The following SAMMSON variants were observed in gnomAD, a reference collection of about 807,000 sequenced individuals.
SAMMSON encodes survival associated mitochondrial melanoma specific oncogenic non-coding RNA, also known as long intergenic non-protein coding RNA 1212.
At chr3:70,099,691 C>A (rs1299404854) in intron 4 of SAMMSON, among the ~76,000 whole-genome samples, 2 of 152,186 alleles carry the variant, frequency 1.3e-5, no homozygotes, top group African/African-American at 4.8e-5. Flanking sequence ...CTCCTGCAGT[C>A]TTGTTTCTAA....
intron 1 of SAMMSON, among the ~76,000 whole-genome samples, chr3:70,007,861 A>G (rs1389453348): frequency 6.6e-6 from 1 of 152,186 alleles, no homozygotes; most frequent in Non-Finnish European, 1.5e-5. Flanking sequence ...AGCTTTCTAC[A>G]TATGGCTAGC....
chr3:70,036,704 T>C (rs879846569), intron 3 of SAMMSON, among the ~76,000 whole-genome samples: 8 of 152,040 alleles, frequency 5.3e-5, no homozygotes, highest in Non-Finnish European at 1.2e-4. Flanking sequence ...ATGAGTCAAA[T>C]CAAGAGCAAA....
At chr3:70,157,586 A>C (rs561286138) in intron 4 of SAMMSON, among the ~76,000 whole-genome samples, 1 of 152,198 alleles carries the variant, frequency 6.6e-6, no homozygotes, top group East Asian at 1.9e-4. Flanking sequence ...GAAGAGAGTG[A>C]CAATACAATT....
At chr3:70,282,791 C>T (rs1013458851) in intron 6 of SAMMSON, among the ~76,000 whole-genome samples, 6 of 152,116 alleles carry the variant, frequency 3.9e-5, no homozygotes, top group Admixed American at 1.3e-4. Context: ...GACTAAAATA[C>T]AAATATCTAT....
intron 4 of SAMMSON, among the ~76,000 whole-genome samples, chr3:70,137,142 CT>C (rs2067509327): frequency 6.6e-6 from 1 of 152,052 alleles, no homozygotes; most frequent in African/African-American, 2.4e-5. Flanking sequence ...TTCTATAGTC[CT>C]TTGGTCATAT....
chr3:70,146,140 G>A (rs931452568), intron 4 of SAMMSON, among the ~76,000 whole-genome samples: 3 of 152,030 alleles, frequency 2.0e-5, no homozygotes, highest in African/African-American at 7.2e-5. Flanking sequence ...GTACAAAGTG[G>A]GTAATTTCAA....
intron 6 of SAMMSON, among the ~76,000 whole-genome samples, chr3:70,282,170 C>T (rs2106682825): frequency 6.6e-6 from 1 of 152,250 alleles, no homozygotes; most frequent in East Asian, 1.9e-4. Context: ...GCTCCCATCT[C>T]CTGGGATGCA....
chr3:70,399,777 C>T (rs561791929), intron 2 of SAMMSON, among the ~76,000 whole-genome samples: 51 of 149,418 alleles, frequency 3.4e-4, no homozygotes, highest in South Asian at 1.7e-3. Context: ...CGGGAGGCAG[C>T]GGCAGGAGAA....
intron 6 of SAMMSON, among the ~76,000 whole-genome samples, chr3:70,279,885 G>A (rs1329297276): frequency 1.3e-5 from 2 of 152,138 alleles, no homozygotes; most frequent in East Asian, 3.9e-4. Flanking sequence ...CTGGTTCTTT[G>A]TCAAATGGTG....
rs536336674 is a variant in SAMMSON at position 70,402,940 on chromosome 3, T to A, written n.233+44616T>A. ...TATACCACATATGTGTGTATATATA[T>A]TATATATATATCATGTGTATGATAG... On this transcript the variant is annotated intron_variant and non_coding_transcript_variant, in intron 2 of 3. Transcript: ENST00000641053. 7.1e-3 allele frequency among the ~76,000 whole-genome samples: 1,079 copies of A among 151,926 alleles called. 13 individuals carry two copies. The highest frequency in any genetic ancestry group is 0.024 in the African/African-American group (1,012 of 41,438).
chr3:70,181,665 T>A (rs1398141291), intron 4 of SAMMSON, among the ~76,000 whole-genome samples: 1 of 152,224 alleles, frequency 6.6e-6, no homozygotes, highest in Non-Finnish European at 1.5e-5. Context: ...GAAAAGGACC[T>A]TCCTTCCTTG....
At chr3:70,277,379 C>G (rs75357543) in intron 6 of SAMMSON, among the ~76,000 whole-genome samples, 1 of 152,252 alleles carries the variant, frequency 6.6e-6, no homozygotes, top group East Asian at 1.9e-4. Flanking sequence ...CAGCACTGGC[C>G]TCACACAGGC....
At chr3:70,266,494 C>CA (rs1403781157) in intron 6 of SAMMSON, among the ~76,000 whole-genome samples, 4 of 152,096 alleles carry the variant, frequency 2.6e-5, no homozygotes, top group African/African-American at 9.7e-5. Flanking sequence ...AATCATGGCT[C>CA]ACTGCAGCCT....
intron 6 of SAMMSON, among the ~76,000 whole-genome samples, chr3:70,286,068 T>A (rs1201990858): frequency 6.6e-6 from 1 of 152,202 alleles, no homozygotes; most frequent in Non-Finnish European, 1.5e-5. Context: ...TTTAATGAGA[T>A]CCCATTTGTC....
downstream of SAMMSON, among the ~76,000 whole-genome samples, chr3:70,394,068 G>GA (rs1701071686): frequency 6.6e-6 from 1 of 152,122 alleles, no homozygotes; most frequent in Non-Finnish European, 1.5e-5. Context: ...CAATGGACAG[G>GA]AACTGTTGAG....
intron 6 of SAMMSON, among the ~76,000 whole-genome samples, chr3:70,286,825 C>A (rs530436840): frequency 6.6e-6 from 1 of 151,996 alleles, no homozygotes; most frequent in Non-Finnish European, 1.5e-5. Context: ...GAAGCAATTG[C>A]GAATGAGAGT....
intron 4 of SAMMSON, among the ~76,000 whole-genome samples, chr3:70,224,246 C>G (rs1305871634): frequency 6.6e-6 from 1 of 152,200 alleles, no homozygotes; most frequent in Non-Finnish European, 1.5e-5. Context: ...GCCAAGGTTT[C>G]TACATGCACC....
chr3:70,304,125 T>C (rs915405688), intron 7 of SAMMSON, among the ~76,000 whole-genome samples: 2 of 152,108 alleles, frequency 1.3e-5, no homozygotes, highest in Non-Finnish European at 2.9e-5. Flanking sequence ...AGGGCCTGCT[T>C]CCAGCCAAGC....
chr3:70,422,541 C>T (rs564413850), intron 2 of SAMMSON, among the ~76,000 whole-genome samples: 25 of 152,046 alleles, frequency 1.6e-4, no homozygotes, highest in African/African-American at 5.8e-4. Flanking sequence ...TCAAAAAAAT[C>T]AAATTGTATC....
Sources: gnomAD v4.1 joint callset for allele counts (sites outside exome capture counted in the v4.1 genomes callset) on GRCh38, gnomAD v4.1.1 for gene constraint, MANE v1.5 for transcripts, NCBI Gene and HGNC (gene_info 2026-07-23, HGNC 2026-07-21) for gene names.